The following SLC13A5 variants were observed in gnomAD, a reference collection of about 807,000 sequenced individuals.
SLC13A5 encodes Na(+)/citrate cotransporter.
In SLC13A5, 25 loss-of-function variants were observed where a neutral mutation model predicts 56.5. The ratio of observed to expected loss-of-function variants is 0.44; its 90% CI spans 0.32 to 0.62. The LOEUF (loss-of-function observed/expected upper bound fraction) is 0.62. SLC13A5 is among the 20% of genes least tolerant of loss of function. The pLI, the probability that SLC13A5 is intolerant of heterozygous loss-of-function variation, is 0.04. For synonymous variants in SLC13A5, 307 were observed against 301.5 expected (o/e 1.02, Z -0.19); for missense variants, 649 against 737.8 (o/e 0.88, Z 1.39).
In SLC13A5 at chr17:6,713,163, C is replaced by G. The variant is rs1974084534; in HGVS notation, c.102+69G>C. 3 of 1,505,708 alleles carry G rather than the reference C, an allele frequency of 2.0e-6. No individual in the cohort carries two copies. Among genetic ancestry groups the G allele is most frequent in the Admixed American group, 1.8e-5 (1 of 55,842 alleles). The allele number at this position is 1,505,708 out of a possible 1,614,324, so 93.3% of individuals were successfully genotyped here. On this transcript the variant is annotated intron_variant, in intron 1 of 11. Transcript: ENST00000433363. The surrounding 1 kb of genome is among the most constrained non-coding windows in gnomAD (Gnocchi z 7.3). Reference sequence around the variant, plus strand: ...TCCGTGCGCTCCAGCTCAGGGCTCCCGGGATCGGTGCCCGTTAGTGGGCAC... The same window carrying G: ...TCCGTGCGCTCCAGCTCAGGGCTCCGGGGATCGGTGCCCGTTAGTGGGCAC...
chr17:6,708,993 C>CT (rs575087645), intron 1 of SLC13A5, among the ~76,000 whole-genome samples: 17,384 of 132,938 alleles, frequency 0.13, 1,722 homozygotes, highest in African/African-American at 0.26. Context: ...TCTTTTATTT[C>CT]TTTTTTTTTT....
At chr17:6,697,052 G>A (rs563931426) in intron 6 of SLC13A5, among the ~76,000 whole-genome samples, 5 of 152,214 alleles carry the variant, frequency 3.3e-5, no homozygotes, top group Admixed American at 1.3e-4. Context: ...TACACGGCTG[G>A]CTAGGATCTC....
At chr17:6,699,050 AAT>A (rs1973635656) in intron 6 of SLC13A5, among the ~76,000 whole-genome samples, 1 of 124,364 alleles carries the variant, frequency 8.0e-6, no homozygotes, top group African/African-American at 3.1e-5. Context: ...CTCAAAAATA[AAT>A]AAATAAATAA....
In SLC13A5 at chr17:6,687,501, C is replaced by T. The variant is rs139509544; in HGVS notation, c.1575+28G>A. ...TTATGACAACAGCGTTATAGTCCGA[C>T]GGGAGTAAATAAAAACAGCTGTGTT... On this transcript the variant is annotated intron_variant, in intron 11 of 11. Transcript: ENST00000433363. The surrounding 1 kb of genome is among the most constrained non-coding windows in gnomAD (Gnocchi z 5.0). 21,700 of 1,612,642 alleles carry T rather than the reference C, an allele frequency of 0.013. 235 individuals are homozygous for T. Among genetic ancestry groups the T allele is most frequent in the Middle Eastern group, 0.029 (177 of 6,054 alleles).
In SLC13A5 at chr17:6,687,141, G is replaced by C. The variant is rs1973271844; in HGVS notation, c.1575+388C>G. The stretch of plus-strand genomic sequence containing the variant: ...TTCAGGCACCCCTACAAATCTCTGT[G>C]ACTGTCATTAGCATCCCCCTGCTGC... On this transcript the variant is annotated intron_variant, in intron 11 of 11. Transcript: ENST00000433363. The surrounding 1 kb of genome is among the most constrained non-coding windows in gnomAD (Gnocchi z 5.0). The C allele has an allele frequency of 4.5e-6, 1 of 224,342 alleles. No homozygotes were observed. The highest frequency in any genetic ancestry group is 2.4e-5 in the African/African-American group (1 of 42,112). The allele number at this position is 224,342 out of a possible 1,614,324, so 13.9% of individuals were successfully genotyped here. A position where few individuals can be genotyped will look rare whatever the true frequency, so the allele number is the denominator to read the frequency against.
At chr17:6,706,295 C>T (rs1460977610) in intron 3 of SLC13A5, among the ~76,000 whole-genome samples, 3 of 152,086 alleles carry the variant, frequency 2.0e-5, no homozygotes, top group Non-Finnish European at 4.4e-5. Context: ...GGCCTGCTTC[C>T]CTTATCCTAT....
At chr17:6,695,544 C>T in intron 7 of SLC13A5, 182 bp downstream of exon 7, 1 of 570,044 alleles carries the variant, frequency 1.8e-6, no homozygotes, top group Non-Finnish European at 3.1e-6. Flanking sequence ...CATGTGCCAC[C>T]ATGCCTCGCT....
At chr17:6,706,619 CAA>C (rs1973869938) in intron 3 of SLC13A5, 21 bp downstream of exon 3, 1 of 1,610,516 alleles carries the variant, frequency 6.2e-7, no homozygotes, top group South Asian at 1.1e-5. Context: ...AGCCACGTGG[CAA>C]GAGAGAGAAG....
In SLC13A5 at chr17:6,707,076, G is replaced by C; in HGVS notation, c.183C>G (p.Leu61=). Residue 61 remains leucine, a synonymous_variant, in exon 2 of 12, where the codon CTC becomes CTG. Transcript: ENST00000433363. ...TEVIPLAVTS[L]MPVLLFPLFQ... ...AGAGTGGGAAAAGCAAGACAGGCAT[G>C]AGAGAGGTGACAGCCAGAGGGATGA... 2 of 1,614,124 alleles carry C rather than the reference G, an allele frequency of 1.2e-6. No homozygotes were observed. Among genetic ancestry groups the C allele is most frequent in the Non-Finnish European group, 1.7e-6 (2 of 1,180,020 alleles).
Position 6,706,801 on chromosome 17 carries a change from C to T in SLC13A5, c.232-23G>A, listed in dbSNP as rs753681817. ...CACCTGGAGCGTGGCACGAAGGCCT[C>T]ATCAGGACTGTCCCTTGCCACACAC... On this transcript the variant is annotated intron_variant, in intron 2 of 11. Coordinates refer to ENST00000433363, the MANE Select transcript of SLC13A5 (RefSeq NM_177550.5). 2.5e-6 allele frequency: 4 copies of T among 1,613,170 alleles called. No homozygotes were observed. In the East Asian group the frequency reaches 6.7e-5, roughly 27 times the overall value.
chr17:6,686,383 A>G (rs1457604111), intron 11 of SLC13A5, 45 bp from the exon 12 acceptor site: 13 of 1,612,088 alleles, frequency 8.1e-6, no homozygotes, highest in Non-Finnish European at 1.0e-5. Context: ...GCTGGGGACT[A>G]GTGCTCTCAG....
chr17:6,709,181 G>A (rs982941561), intron 1 of SLC13A5, among the ~76,000 whole-genome samples: 2 of 151,944 alleles, frequency 1.3e-5, no homozygotes, highest in Middle Eastern at 3.4e-3. Context: ...TGCTGTATTT[G>A]TAGATCACCG....
In SLC13A5 at chr17:6,687,678, C is replaced by T; in HGVS notation, c.1438-12G>A. The T allele has an allele frequency of 1.3e-6, 2 of 1,589,228 alleles. No homozygotes were observed. The highest frequency in any genetic ancestry group is 1.2e-5 in the South Asian group (1 of 86,852). ...CCGATGGAGCGAGACTGCGGAAAAA[C>T]AGCACTGCAACATCACCGTACAGAA... On this transcript the variant is annotated splice_polypyrimidine_tract_variant and intron_variant, in intron 10 of 11. Transcript: ENST00000433363. The surrounding 1 kb of genome is among the most constrained non-coding windows in gnomAD (Gnocchi z 5.0).
In SLC13A5 at chr17:6,687,846, G is replaced by A; in HGVS notation, c.1438-180C>T. 1 of 695,446 alleles carries A rather than the reference G, an allele frequency of 1.4e-6. No homozygotes were observed. Among genetic ancestry groups the A allele is most frequent in the Non-Finnish European group, 2.2e-6 (1 of 457,406 alleles). 43.1% of individuals were successfully genotyped at this position (695,446 alleles called of 1,614,324 possible). On this transcript the variant is annotated intron_variant, in intron 10 of 11. Coordinates refer to ENST00000433363, the MANE Select transcript of SLC13A5 (RefSeq NM_177550.5). The surrounding 1 kb of genome is among the most constrained non-coding windows in gnomAD (Gnocchi z 5.0). ...TTCCACCTACGGAACACTGAAGGCT[G>A]AGGTCAGAGGCCACCTGCCCTAGAA...
chr17:6,696,427 T>A (rs1973563075), intron 6 of SLC13A5, among the ~76,000 whole-genome samples: 2 of 152,068 alleles, frequency 1.3e-5, no homozygotes, highest in Non-Finnish European at 2.9e-5. Context: ...GTCCTTGTGT[T>A]CCCTGGAGTT....
intron 1 of SLC13A5, among the ~76,000 whole-genome samples, chr17:6,707,369 C>A (rs536639942): frequency 3.3e-5 from 5 of 152,168 alleles, no homozygotes; most frequent in Admixed American, 2.6e-4. Flanking sequence ...CCCATTCCCA[C>A]CCCTCCTCCC....
At chr17:6,708,268 T>A (rs1973925320) in intron 1 of SLC13A5, among the ~76,000 whole-genome samples, 1 of 152,196 alleles carries the variant, frequency 6.6e-6, no homozygotes, top group Non-Finnish European at 1.5e-5. Flanking sequence ...GCGCCCAACC[T>A]CAGAGTTCCT....
rs753448066 is a variant in SLC13A5 at position 6,686,205 on chromosome 17, T to C, written c.*2A>G. The C allele has an allele frequency of 3.1e-6, 5 of 1,614,114 alleles. No individual in the cohort carries two copies. Among genetic ancestry groups the C allele is most frequent in the Non-Finnish European group, 4.2e-6 (5 of 1,180,000 alleles). On this transcript the variant is annotated 3_prime_UTR_variant, in exon 12 of 12. Coordinates refer to ENST00000433363, the MANE Select transcript of SLC13A5 (RefSeq NM_177550.5). ...GCTGTGTGTGTGGTCTTGTGGCTCT[T>C]CCTAAGTCTCAATATGTGTCACATT...
rs1051493638 is a variant in SLC13A5 at position 6,701,097 on chromosome 17, T to C, written c.746A>G (p.Asn249Ser). ...GGCAAATGCAAACCAGGAAGCAAAG[T>C]TCACGAGGTCCTTGCTGTCAGGAAA... ...ELFPDSKDLV[N>S]FASWFAFAFP... is the part of the protein sequence containing the mutation. The change falls in exon 6 of 12, where the codon AAC becomes AGC. Residue 249 changes from asparagine (N) to serine (S), a missense_variant. Coordinates refer to ENST00000433363, the MANE Select transcript of SLC13A5 (RefSeq NM_177550.5). The surrounding 1 kb of genome is among the most constrained non-coding windows in gnomAD (Gnocchi z 4.1). 1.9e-6 allele frequency: 3 copies of C among 1,614,136 alleles called. No individual in the cohort carries two copies. The highest frequency in any genetic ancestry group is 8.5e-7 in the Non-Finnish European group (1 of 1,180,018).
Sources: gnomAD v4.1 joint callset for allele counts (sites outside exome capture counted in the v4.1 genomes callset) on GRCh38, gnomAD v4.1.1 for gene constraint, Gnocchi (gnomAD v3.1) non-coding constraint, MANE v1.5 for transcripts, NCBI Gene and HGNC (gene_info 2026-07-23, HGNC 2026-07-21) for gene names.